The following HLX variants were observed in gnomAD, a reference collection of about 807,000 sequenced individuals.
HLX encodes H2.0 like homeobox.
In HLX, 6 loss-of-function variants were observed where a neutral mutation model predicts 27.7. The ratio of observed to expected loss-of-function variants is 0.22; its 90% CI spans 0.12 to 0.43. The LOEUF (loss-of-function observed/expected upper bound fraction) is 0.43, where lower values mean the gene tolerates loss of function less well. Among genes scored for constraint, HLX ranks in the 20% least tolerant of loss-of-function variants. The pLI is 1.00. For missense variants in HLX, 666 were observed against 655.2 expected (o/e 1.02, Z -0.18); for synonymous variants, 328 against 293.8 (o/e 1.12, Z -1.19).
In HLX at chr1:220,881,244, G is replaced by C; in HGVS notation, c.643G>C (p.Gly215Arg). Residue 215 changes from glycine (G) to arginine (R), a missense_variant, in exon 2 of 4, where the codon GGC becomes CGC. Coordinates refer to ENST00000366903, the MANE Select transcript of HLX (RefSeq NM_021958.4). The part of the protein sequence containing the change: ...GGRPAGVHLS[G>R]LQPSAGQFFA... ...GCGGCCCGCCGGGGTGCACCTCTCAGGCCTGCAGCCCTCGGCCGGCCAGTT... is the reference window on the plus strand; with the variant it reads ...GCGGCCCGCCGGGGTGCACCTCTCACGCCTGCAGCCCTCGGCCGGCCAGTT... 1 of 1,614,226 alleles carries C rather than the reference G, an allele frequency of 6.2e-7. No homozygotes were observed. The highest frequency in any genetic ancestry group is 8.5e-7 in the Non-Finnish European group (1 of 1,180,036).
At chr1:220,881,102 G>A in intron 1 of HLX, 92 bp from the exon 2 acceptor site, 3 of 1,166,434 alleles carry the variant, frequency 2.6e-6, no homozygotes, top group Non-Finnish European at 3.8e-6. Flanking sequence ...CAATAAAAGT[G>A]AATCCAGGGC....
intron 3 of HLX, chr1:220,883,284 T>TACACACACACAC (rs3138532): frequency 1.4e-5 from 2 of 140,858 alleles, no homozygotes; most frequent in Admixed American, 1.4e-4. Context: ...TTCTCCCCAG[T>TACACACACACAC]ACACACACAC....
chr1:220,880,538 A>C (rs1232377538), intron 1 of HLX, 89 bp downstream of exon 1: 1 of 1,339,362 alleles, frequency 7.5e-7, no homozygotes, highest in Admixed American at 1.7e-5. Flanking sequence ...GAGTGTTTTT[A>C]CAATTAAGGA....
intron 1 of HLX, 175 bp downstream of exon 1, chr1:220,880,624 C>A: frequency 4.5e-6 from 3 of 661,490 alleles, no homozygotes; most frequent in Non-Finnish European, 7.9e-6. Flanking sequence ...CTCACCTGTT[C>A]TATGTAAAAC....
In HLX at chr1:220,882,159, G is replaced by A; in HGVS notation, c.773-5G>A. 6.2e-7 allele frequency: 1 copy of A among 1,613,836 alleles called. No homozygotes were observed. Among genetic ancestry groups the A allele is most frequent in the Non-Finnish European group, 8.5e-7 (1 of 1,179,990 alleles). On this transcript the variant is annotated splice_region_variant and splice_polypyrimidine_tract_variant and intron_variant, in intron 2 of 3. Transcript: ENST00000366903. ...TTCTTCCCTCTGGCTCCCGTTCTGC[G>A]GCAGGTCCCTATGCTGTGCTCACGA...
intron 1 of HLX, 56 bp downstream of exon 1, chr1:220,880,505 C>G (rs1016805389): frequency 2.5e-6 from 4 of 1,602,346 alleles, no homozygotes; most frequent in Non-Finnish European, 3.4e-6. Flanking sequence ...TCCCCGGACC[C>G]CGGGCTGGCT....
chr1:220,881,584 A>C, intron 2 of HLX: 11 of 603,546 alleles, frequency 1.8e-5, no homozygotes, highest in East Asian at 2.9e-5. Flanking sequence ...GCGCCTGGAG[A>C]TCCCAGAAAG....
Position 220,885,005 on chromosome 1 carries a change from A to G in HLX, c.*301A>G, listed in dbSNP as rs1325168860. 4 of 479,006 alleles carry G rather than the reference A, an allele frequency of 8.4e-6. No homozygotes were observed. Among genetic ancestry groups the G allele is most frequent in the African/African-American group, 1.9e-5 (1 of 52,098 alleles). The allele number at this position is 479,006 out of a possible 1,614,324, so 29.7% of individuals were successfully genotyped here. A position where few individuals can be genotyped will look rare whatever the true frequency, so the allele number is the denominator to read the frequency against. ...GACTCGCCCCAGAGGTCGTGGCTCA[A>G]AGGCACTTAGGACGCCTTAAATTTG... On this transcript the variant is annotated 3_prime_UTR_variant, in exon 4 of 4. Coordinates refer to ENST00000366903, the MANE Select transcript of HLX (RefSeq NM_021958.4).
In HLX at chr1:220,879,451, T is replaced by A. The variant is rs377063056; in HGVS notation, c.-407T>A. The A allele has an allele frequency of 2.4e-5, 3 of 124,734 alleles. No homozygotes were observed. The highest frequency in any genetic ancestry group is 5.2e-5 in the Non-Finnish European group (3 of 57,370). 7.7% of individuals were successfully genotyped at this position (124,734 alleles called of 1,614,324 possible). A position where few individuals can be genotyped will look rare whatever the true frequency, so the allele number is the denominator to read the frequency against. ...AGTTTTTTTTTTTTTCTATTACTTT[T>A]CCCCCCCCCTAACTAACGGACTATT... On this transcript the variant is annotated 5_prime_UTR_variant, in exon 1 of 4. Transcript: ENST00000366903.
chr1:220,883,811 C>A, intron 3 of HLX: 1 of 255,644 alleles, frequency 3.9e-6, no homozygotes, highest in South Asian at 5.8e-5. Flanking sequence ...GCTAGGAGTC[C>A]ATAACTTTAA....
At chr1:220,880,565 G>A (rs1674403672) in intron 1 of HLX, 116 bp downstream of exon 1, 3 of 1,119,414 alleles carry the variant, frequency 2.7e-6, no homozygotes, top group East Asian at 2.4e-5. Context: ...GGTAAAACGG[G>A]AGAGAAGAAA....
rs1674515742 is a variant in HLX at position 220,884,089 on chromosome 1, C to T, written c.958-106C>T. ...TGGTAGAGTCGCCAAGTAAGCGTTG[C>T]TTTTTCACTCAGGGAGGTGGCTTGA... On this transcript the variant is annotated intron_variant, in intron 3 of 3. Transcript: ENST00000366903. The surrounding 1 kb of genome is among the most constrained non-coding windows in gnomAD (Gnocchi z 4.9). The T allele has an allele frequency of 8.3e-7, 1 of 1,205,602 alleles. No homozygotes were observed. Among genetic ancestry groups the T allele is most frequent in the Non-Finnish European group, 1.2e-6 (1 of 823,606 alleles). The allele number at this position is 1,205,602 out of a possible 1,614,324, so 74.7% of individuals were successfully genotyped here.
Position 220,880,026 on chromosome 1 carries a change from C to G in HLX, c.169C>G (p.Leu57Val). The change falls in exon 1 of 4, where the codon CTG becomes GTG. Residue 57 changes from leucine (L) to valine (V), a missense_variant. Physicochemically the swap from Leu to Val is conservative, Grantham distance 32. Coordinates refer to ENST00000366903, the MANE Select transcript of HLX (RefSeq NM_021958.4). ...CATTCTGCACGCCGGCGTGGGGGAT[C>G]TGGGGGCGGCCCCGGAGGGCCTGGC... Reference protein sequence around the residue: ...ADILHAGVGDLGAAPEGLAGA... With the variant: ...ADILHAGVGDVGAAPEGLAGA... 1 of 1,594,098 alleles carries G rather than the reference C, an allele frequency of 6.3e-7. No homozygotes were observed. The highest frequency in any genetic ancestry group is 1.8e-4 in the Middle Eastern group (1 of 5,560).
chr1:220,884,822 C>A lies in HLX; in HGVS notation c.*118C>A. 6.9e-7 allele frequency: 1 copy of A among 1,453,942 alleles called. No homozygotes were observed. The highest frequency in any genetic ancestry group is 9.2e-7 in the Non-Finnish European group (1 of 1,090,440). 90.1% of individuals were successfully genotyped at this position (1,453,942 alleles called of 1,614,324 possible). A position where few individuals can be genotyped will look rare whatever the true frequency, so the allele number is the denominator to read the frequency against. On this transcript the variant is annotated 3_prime_UTR_variant, in exon 4 of 4. Transcript: ENST00000366903. This position sits in a 1 kb window ranked among gnomAD's most constrained non-coding sequence, Gnocchi z 4.9. ...GGCAGGAGACGCAGCGTGGAGCCTA[C>A]CTCCCGACATTCACGCTTCGCCCCA...
rs371600047 is a variant in HLX, at chr1:220,880,291, G to A, written c.434G>A (p.Gly145Asp). 1.6e-5 allele frequency: 25 copies of A among 1,609,916 alleles called. No homozygotes were observed. Among genetic ancestry groups the A allele is most frequent in the Non-Finnish European group, 2.1e-5 (25 of 1,179,356 alleles). Residue 145 changes from glycine to aspartate, a missense_variant, in exon 1 of 4, where the codon GGC becomes GAC. Gly to Asp is a moderately conservative substitution (Grantham distance 94). Coordinates refer to ENST00000366903, the MANE Select transcript of HLX (RefSeq NM_021958.4). The part of the protein sequence containing the change: ...QQQPPPPPRA[G>D]ALQPPASGTR... ...CAGCCTCCGCCTCCGCCCCGGGCTGGCGCCCTGCAGCCCCCGGCCTCGGGG... is the reference window on the plus strand; with the variant it reads ...CAGCCTCCGCCTCCGCCCCGGGCTGACGCCCTGCAGCCCCCGGCCTCGGGG...
intron 2 of HLX, 185 bp from the exon 3 acceptor site, chr1:220,881,979 G>T: frequency 4.3e-6 from 3 of 691,942 alleles, no homozygotes; most frequent in Non-Finnish European, 8.0e-6. Flanking sequence ...TCCGACTGTC[G>T]TGTAAAATTC....
Position 220,879,682 on chromosome 1 carries a change from C to T in HLX, c.-176C>T. 9.6e-7 allele frequency: 1 copy of T among 1,045,298 alleles called. No individual in the cohort carries two copies. Among genetic ancestry groups the T allele is most frequent in the Non-Finnish European group, 1.3e-6 (1 of 769,024 alleles). 64.8% of individuals were successfully genotyped at this position (1,045,298 alleles called of 1,614,324 possible). On this transcript the variant is annotated 5_prime_UTR_variant, in exon 1 of 4. Transcript: ENST00000366903. ...GTGACCGGCCGAGATCCGGCCCTCG[C>T]CTCCTCCCTCGGTGGCGCTAGGGCT... is the stretch of plus-strand genomic sequence containing the variant.
At chr1:220,882,019 C>T (rs746145614) in intron 2 of HLX, 145 bp from the exon 3 acceptor site, 3 of 774,142 alleles carry the variant, frequency 3.9e-6, no homozygotes, top group East Asian at 2.7e-5. Flanking sequence ...GGTGTATGTG[C>T]GAAGGGCTTT....
At position 220,880,442 on chromosome 1, in the gene HLX, G is replaced by T. The variant is rs1357647612; in HGVS notation, c.585G>T (p.Thr195=). The T allele has an allele frequency of 1.1e-5, 17 of 1,613,466 alleles. No homozygotes were observed. Among genetic ancestry groups the T allele is most frequent in the Admixed American group, 1.7e-5 (1 of 60,014 alleles). ...ACCCAAAAGTCAAAGAAGGCAACAC[G>T]CTGAGAGGTAGGTCTTGGGCGGGAG... The part of the protein sequence containing the change: ...EFDPKVKEGN[T]LRDLTSLLTG... The change falls in exon 1 of 4, where the codon ACG becomes ACT. Residue 195 remains threonine (T), a synonymous_variant. Coordinates refer to ENST00000366903, the MANE Select transcript of HLX (RefSeq NM_021958.4).
Sources: allele counts gnomAD v4.1 joint callset, GRCh38; gene constraint gnomAD v4.1.1; non-coding constraint Gnocchi (gnomAD v3.1); transcripts MANE v1.5; gene names NCBI Gene and HGNC (gene_info 2026-07-23, HGNC 2026-07-21).